GALNS: variants seen among roughly 807,000 people sequenced by gnomAD.
GALNS encodes the protein N-acetylgalactosamine-6-sulfatase.
GALNS carries 65 observed loss-of-function variants against 65.9 expected under a neutral mutation model. The observed-to-expected ratio is 0.99, with a 90% CI of 0.81 to 1.21. The LOEUF (loss-of-function observed/expected upper bound fraction) is 1.21. GALNS is among the 50% of genes most tolerant of loss of function. GALNS has a pLI of 0.00. For missense variants in GALNS, 776 were observed against 700.7 expected, an observed-to-expected ratio of 1.11 and a Z score of -1.21; for synonymous variants, 346 against 288.9, an observed-to-expected ratio of 1.20 and a Z score of -2.00.
At chr16:88,815,592 G>A (rs1156429651) in intron 13 of GALNS, 4 of 985,380 alleles carry the variant, frequency 4.1e-6, no homozygotes, top group Non-Finnish European at 4.8e-6. Context: ...GCTGAAATGA[G>A]TGCAGTTTGG....
intron 1 of GALNS, among the ~76,000 whole-genome samples, chr16:88,848,982 C>G (rs1240953245): frequency 6.6e-6 from 1 of 152,198 alleles, no homozygotes; most frequent in Non-Finnish European, 1.5e-5. Flanking sequence ...GCAGGGTGGC[C>G]GCTCCTTGCC....
At chr16:88,815,421 C>CTCAGT in intron 13 of GALNS, 1 of 985,494 alleles carries the variant, frequency 1.0e-6, no homozygotes, top group Non-Finnish European at 1.2e-6. Flanking sequence ...CGCTGCTGGG[C>CTCAGT]TCAGTTCAGT....
At chr16:88,824,424 T>A (rs1432331926) in intron 11 of GALNS, among the ~76,000 whole-genome samples, 2 of 152,070 alleles carry the variant, frequency 1.3e-5, no homozygotes, top group Non-Finnish European at 2.9e-5. Flanking sequence ...AGGCCACGTC[T>A]CTGTCGCCTC....
intron 4 of GALNS, among the ~76,000 whole-genome samples, chr16:88,838,093 C>A (rs753834143): frequency 1.3e-5 from 2 of 152,204 alleles, no homozygotes; most frequent in Non-Finnish European, 2.9e-5. Flanking sequence ...CCCCTCGTGG[C>A]CCCGGCTCCT....
chr16:88,838,094 C>T (rs935646516), intron 4 of GALNS, among the ~76,000 whole-genome samples: 2 of 152,172 alleles, frequency 1.3e-5, no homozygotes, highest in African/African-American at 2.4e-5. Flanking sequence ...CCCTCGTGGC[C>T]CCGGCTCCTT....
intron 10 of GALNS, among the ~76,000 whole-genome samples, chr16:88,825,986 CAG>C (rs1335220714): frequency 9.9e-5 from 15 of 152,166 alleles, no homozygotes; most frequent in Non-Finnish European, 5.9e-5. Context: ...TGGCTGCTCT[CAG>C]GGGGTAGGAA....
At chr16:88,837,036 G>A (rs750023987) in intron 5 of GALNS, among the ~76,000 whole-genome samples, 7 of 152,380 alleles carry the variant, frequency 4.6e-5, no homozygotes, top group Middle Eastern at 3.4e-3. Context: ...GAGGCAGCAA[G>A]CTGGTGCTGC....
chr16:88,832,245 C>T (rs566147568), intron 8 of GALNS, 144 bp from the exon 9 acceptor site: 100 of 766,548 alleles, frequency 1.3e-4, no homozygotes, highest in African/African-American at 1.2e-3. Flanking sequence ...ATCCGAGCCT[C>T]GGGGTGGCTC....
intron 9 of GALNS, chr16:88,827,072 C>T: frequency 1.7e-6 from 1 of 595,240 alleles, no homozygotes; most frequent in South Asian, 2.0e-5. Flanking sequence ...TCCCTGGCAC[C>T]CTTCTCTGCC....
At position 88,824,824 on chromosome 16, in the gene GALNS, G is replaced by T; in HGVS notation, c.1185C>A (p.Leu395=). 1.9e-6 allele frequency: 3 copies of T among 1,613,406 alleles called. No individual in the cohort carries two copies. The highest frequency in any genetic ancestry group is 2.5e-6 in the Non-Finnish European group (3 of 1,180,006). The change falls in exon 11 of 14, where the codon CTC becomes CTA. Residue 395 remains leucine (L), a synonymous_variant. Coordinates refer to ENST00000268695, the MANE Select transcript of GALNS (RefSeq NM_000512.5). The part of the protein sequence containing the change: ...YRGDTLMAAT[L]GQHKAHFWTW... ...TCCAGAAGTGAGCCTTGTGCTGCCC[G>T]AGGGTGGCCGCCATCAGCGTGTCGC... is the stretch of plus-strand genomic sequence containing the variant.
At chr16:88,821,985 G>A (rs182788173) in intron 12 of GALNS, among the ~76,000 whole-genome samples, 6 of 151,940 alleles carry the variant, frequency 3.9e-5, no homozygotes, top group African/African-American at 1.5e-4. Flanking sequence ...CAGGGAGATG[G>A]GTTCGGACAA....
intron 6 of GALNS, 133 bp from the exon 7 acceptor site, chr16:88,835,982 G>C: frequency 7.0e-7 from 1 of 1,430,382 alleles, no homozygotes; most frequent in Non-Finnish European, 9.7e-7. Context: ...ACGGGGCAAG[G>C]TTGGTGCGGT....
At chr16:88,833,453 CCT>C (rs1491250313) in intron 8 of GALNS, among the ~76,000 whole-genome samples, 7 of 147,788 alleles carry the variant, frequency 4.7e-5, no homozygotes, top group South Asian at 4.2e-4. Flanking sequence ...TCTCCCATCC[CCT>C]TTTTTTTTTT....
chr16:88,842,466 C>T lies in GALNS; in HGVS notation c.244+240G>A. 3 of 590,572 alleles carry T rather than the reference C, an allele frequency of 5.1e-6. No homozygotes were observed. In the South Asian group the frequency reaches 6.0e-5, roughly 12 times the overall value. The allele number at this position is 590,572 out of a possible 1,614,324, so 36.6% of individuals were successfully genotyped here. A position where few individuals can be genotyped will look rare whatever the true frequency, so the allele number is the denominator to read the frequency against. On this transcript the variant is annotated intron_variant, in intron 2 of 13. Coordinates refer to ENST00000268695, the MANE Select transcript of GALNS (RefSeq NM_000512.5). The stretch of plus-strand genomic sequence containing the variant: ...CAGCACTCGACTCTGGGAAACAGAA[C>T]AGCAGCCACCAACAATACCGCAACT...
chr16:88,840,968 G>C, intron 4 of GALNS, 24 bp downstream of exon 4: 1 of 1,566,792 alleles, frequency 6.4e-7, no homozygotes, highest in Non-Finnish European at 8.8e-7. Context: ...AGGACGCCTG[G>C]GCAGGCGTGG....
chr16:88,840,035 T>C (rs779400498), intron 4 of GALNS, among the ~76,000 whole-genome samples: 3 of 152,236 alleles, frequency 2.0e-5, no homozygotes, highest in Non-Finnish European at 4.4e-5. Flanking sequence ...TCAGGGACTA[T>C]GCAGGCTGCG....
chr16:88,850,723 C>T (rs552391022), intron 1 of GALNS, among the ~76,000 whole-genome samples: 219 of 152,340 alleles, frequency 1.4e-3, no homozygotes, highest in African/African-American at 5.1e-3. Flanking sequence ...CCACACGGGA[C>T]GCTCGGGCTG....
intron 8 of GALNS, among the ~76,000 whole-genome samples, chr16:88,833,480 C>T: frequency 7.0e-6 from 1 of 143,294 alleles, no homozygotes; most frequent in Non-Finnish European, 1.5e-5. Flanking sequence ...GACATGGAGT[C>T]TCGCTCTGTC....
At chr16:88,842,429 C>T in intron 2 of GALNS, 1 of 553,410 alleles carries the variant, frequency 1.8e-6, no homozygotes, top group South Asian at 2.1e-5. Context: ...AGCACCTCTC[C>T]CCAGGCGGCC....
Sources: allele counts gnomAD v4.1 joint callset (sites outside exome capture counted in the v4.1 genomes callset), GRCh38; gene constraint gnomAD v4.1.1; transcripts MANE v1.5; gene names NCBI Gene and HGNC (gene_info 2026-07-23, HGNC 2026-07-21).